RNF150: variants seen among roughly 807,000 people sequenced by gnomAD.
The protein encoded by RNF150 is ring finger protein 150.
A neutral mutation model predicts 39.3 loss-of-function variants in RNF150; 24 were observed. The observed-to-expected ratio is 0.61, with a 90% CI of 0.44 to 0.86. The LOEUF is 0.86. RNF150 is among the 40% of genes least tolerant of loss of function. The probability of loss-of-function intolerance (pLI) is 0.00; values close to 1 mark genes in which losing one functional copy is unlikely to be tolerated. For synonymous variants in RNF150, 255 were observed against 227.3 expected, an observed-to-expected ratio of 1.12 and a Z score of -1.10; for missense variants, 502 against 587.8, an observed-to-expected ratio of 0.85 and a Z score of 1.51.
intron 1 of RNF150, among the ~76,000 whole-genome samples, chr4:141,200,176 G>T (rs1272027111): frequency 2.6e-5 from 4 of 152,158 alleles, no homozygotes; most frequent in Non-Finnish European, 5.9e-5. Context: ...TGAGATCAGG[G>T]TGCTGGCATG....
intron 1 of RNF150, among the ~76,000 whole-genome samples, chr4:141,140,820 A>C (rs1332380170): frequency 6.6e-6 from 1 of 152,232 alleles, no homozygotes; most frequent in Non-Finnish European, 1.5e-5. Context: ...GGATGTTTTC[A>C]TAAATACTTT....
chr4:140,911,120 C>A (rs1294734728), intron 6 of RNF150, 24 bp downstream of exon 6: 1 of 1,586,044 alleles, frequency 6.3e-7, no homozygotes, highest in Admixed American at 1.7e-5. Flanking sequence ...CTGGCTATGT[C>A]ACTTTAAGTA....
At chr4:141,101,696 C>G (rs1464053145) in intron 1 of RNF150, among the ~76,000 whole-genome samples, 1 of 152,132 alleles carries the variant, frequency 6.6e-6, no homozygotes, top group African/African-American at 2.4e-5. Flanking sequence ...TAACTACAAA[C>G]ACATGAGTAA....
rs373283477 is a variant in RNF150, at chr4:141,060,484, T to A, written c.484+71841A>T. 2.1e-4 allele frequency among the ~76,000 whole-genome samples: 32 copies of A among 152,244 alleles called. No individual in the cohort carries two copies. The East Asian group carries it at 3.7e-3, about 17-fold the overall frequency. ...AAAAGAAAATAAAAGAAAATTTATT[T>A]TGGCTTCCAAGATTCTGTGTAATAA... On this transcript the variant is annotated intron_variant, in intron 1 of 6. Transcript: ENST00000515673.
Position 141,132,883 on chromosome 4 carries a change from C to G in RNF150, c.-75G>C. On this transcript the variant is annotated 5_prime_UTR_variant, in exon 1 of 7. Coordinates refer to ENST00000515673, the MANE Select transcript of RNF150 (RefSeq NM_020724.2). The surrounding 1 kb of genome is among the most constrained non-coding windows in gnomAD (Gnocchi z 4.9). ...GTCCCTCCTCCCCAGCCCCGGCCAACCCCGGGCCGCTGCCTCTCCTCCTGC... is the reference window on the plus strand; with the variant it reads ...GTCCCTCCTCCCCAGCCCCGGCCAAGCCCGGGCCGCTGCCTCTCCTCCTGC... 7.8e-7 allele frequency: 1 copy of G among 1,289,240 alleles called. No individual in the cohort carries two copies. Among genetic ancestry groups the G allele is most frequent in the Non-Finnish European group, 1.1e-6 (1 of 915,968 alleles). 79.9% of individuals were successfully genotyped at this position (1,289,240 alleles called of 1,614,324 possible).
chr4:140,935,242 T>C (rs1485472424), intron 4 of RNF150, among the ~76,000 whole-genome samples: 2 of 151,662 alleles, frequency 1.3e-5, no homozygotes, highest in East Asian at 3.9e-4. Context: ...TCAATTTCTT[T>C]TTAAACTACA....
intron 6 of RNF150, among the ~76,000 whole-genome samples, chr4:140,903,758 T>A (rs1228664827): frequency 6.6e-6 from 1 of 152,216 alleles, no homozygotes; most frequent in Non-Finnish European, 1.5e-5. Flanking sequence ...ATGAATGGAT[T>A]TAATCTGTTG....
At chr4:141,203,401 TTA>T (rs60157657) in intron 1 of RNF150, among the ~76,000 whole-genome samples, 17 of 148,590 alleles carry the variant, frequency 1.1e-4, no homozygotes, top group South Asian at 4.2e-4. Flanking sequence ...ATTGGAGATT[TTA>T]TATATATATA....
chr4:140,912,999 C>T lies in RNF150; in HGVS notation c.988-1645G>A, dbSNP rs184490298. Among the ~76,000 whole-genome samples the T allele has an allele frequency of 1.7e-3, 254 of 149,262 alleles. 2 individuals carry two copies. Among genetic ancestry groups the T allele is most frequent in the African/African-American group, 5.9e-3 (238 of 40,364 alleles). On this transcript the variant is annotated intron_variant, in intron 5 of 6. Transcript: ENST00000515673. ...AAAAAAAAAAACACCATGGGCTGGG[C>T]GTGGTGGCTCACGCCTGTAATCCCA... is the stretch of plus-strand genomic sequence containing the variant.
rs546152506 is a variant in RNF150 at position 140,926,768 on chromosome 4, C to G, written c.891-695G>C. Among the ~76,000 whole-genome samples the G allele has an allele frequency of 9.2e-5, 14 of 152,332 alleles. No individual in the cohort carries two copies. In the Middle Eastern group the frequency reaches 0.01, roughly 111 times the overall value. ...GGAGGGCTTCCTAACTGAACTTTCTCTGAACTTCGCTTGAAAGAGTCCACA... is the reference window on the plus strand; with the variant it reads ...GGAGGGCTTCCTAACTGAACTTTCTGTGAACTTCGCTTGAAAGAGTCCACA... On this transcript the variant is annotated intron_variant, in intron 4 of 6. Coordinates refer to ENST00000515673, the MANE Select transcript of RNF150 (RefSeq NM_020724.2).
chr4:141,090,160 T>C (rs971280086), intron 1 of RNF150, among the ~76,000 whole-genome samples: 1 of 152,156 alleles, frequency 6.6e-6, no homozygotes, highest in Non-Finnish European at 1.5e-5. Flanking sequence ...CCCTAGAATG[T>C]GCCTTGAAGA....
chr4:140,982,040 T>C (rs1733877293), intron 1 of RNF150, among the ~76,000 whole-genome samples: 1 of 152,180 alleles, frequency 6.6e-6, no homozygotes, highest in African/African-American at 2.4e-5. Context: ...AGTGTTAACG[T>C]CATCTTCACC....
intron 1 of RNF150, among the ~76,000 whole-genome samples, chr4:140,996,132 G>A (rs1337955594): frequency 6.6e-6 from 1 of 152,106 alleles, no homozygotes; most frequent in Non-Finnish European, 1.5e-5. Context: ...ATCCTCATCA[G>A]TATTTGCTAT....
intron 1 of RNF150, among the ~76,000 whole-genome samples, chr4:141,079,824 C>T (rs1013332635): frequency 1.3e-5 from 2 of 152,202 alleles, no homozygotes; most frequent in Non-Finnish European, 2.9e-5. Flanking sequence ...GGCCGAACTC[C>T]AGGCCCTGGA....
At chr4:140,983,819 A>C (rs1380563336) in intron 1 of RNF150, among the ~76,000 whole-genome samples, 1 of 149,168 alleles carries the variant, frequency 6.7e-6, no homozygotes, top group African/African-American at 2.5e-5. Context: ...GTATCACTGC[A>C]GCCTCTGCCT....
chr4:141,078,974 A>T (rs1256376243), intron 1 of RNF150, among the ~76,000 whole-genome samples: 1 of 151,534 alleles, frequency 6.6e-6, no homozygotes, highest in Non-Finnish European at 1.5e-5. Flanking sequence ...TTTATAAGAA[A>T]GCCTTTTTCC....
intron 1 of RNF150, among the ~76,000 whole-genome samples, chr4:140,998,486 C>G (rs996337760): frequency 6.6e-6 from 1 of 152,148 alleles, no homozygotes; most frequent in East Asian, 1.9e-4. Flanking sequence ...GCCTCTAAAG[C>G]TGTGAGAAAA....
chr4:141,075,452 CT>C (rs1163620781), intron 1 of RNF150, among the ~76,000 whole-genome samples: 1 of 152,198 alleles, frequency 6.6e-6, no homozygotes, highest in Non-Finnish European at 1.5e-5. Context: ...GAGGGTAGCA[CT>C]GATATCCATT....
At chr4:141,169,255 C>T (rs1391147751) in intron 1 of RNF150, among the ~76,000 whole-genome samples, 10 of 152,018 alleles carry the variant, frequency 6.6e-5, no homozygotes, top group Admixed American at 6.6e-4. Flanking sequence ...TCTTCCTGCT[C>T]TGGGCATGTA....
Sources: gnomAD v4.1 joint callset for allele counts (sites outside exome capture counted in the v4.1 genomes callset) on GRCh38, gnomAD v4.1.1 for gene constraint, Gnocchi (gnomAD v3.1) non-coding constraint, MANE v1.5 for transcripts, NCBI Gene and HGNC (gene_info 2026-07-23, HGNC 2026-07-21) for gene names.